Variants in DAB2IP observed in about 807,000 individuals in gnomAD.
DAB2IP encodes disabled homolog 2-interacting protein.
In DAB2IP, 28 loss-of-function variants were observed where a neutral mutation model predicts 107.2. The observed-to-expected ratio is 0.26, with a 90% CI of 0.19 to 0.36. The LOEUF is 0.36. DAB2IP is among the 10% of genes least tolerant of loss of function. DAB2IP has a pLI of 1.00. For missense variants in DAB2IP, 1,400 were observed against 1,644.7 expected, an observed-to-expected ratio of 0.85 and a Z score of 2.57; for synonymous variants, 755 against 706.4, an observed-to-expected ratio of 1.07 and a Z score of -1.09.
intron 3 of DAB2IP, among the ~76,000 whole-genome samples, chr9:121,746,363 C>T (rs1359436089): frequency 1.3e-5 from 2 of 152,184 alleles, no homozygotes; most frequent in African/African-American, 2.4e-5. Context: ...AAAACTGAGG[C>T]ACACAGGTTA....
chr9:121,591,110 A>G (rs1830414947), intron 1 of DAB2IP, among the ~76,000 whole-genome samples: 1 of 152,176 alleles, frequency 6.6e-6, no homozygotes, highest in Non-Finnish European at 1.5e-5. Context: ...GAAGCGTTGT[A>G]TATTTGAGGA....
At chr9:121,751,557 C>T (rs1833120916) in intron 3 of DAB2IP, among the ~76,000 whole-genome samples, 1 of 152,204 alleles carries the variant, frequency 6.6e-6, no homozygotes, top group African/African-American at 2.4e-5. Flanking sequence ...AATGGACAGG[C>T]TCAGGAGACT....
chr9:121,780,955 G>A (rs1290160826), intron 14 of DAB2IP, among the ~76,000 whole-genome samples: 1 of 152,190 alleles, frequency 6.6e-6, no homozygotes, highest in East Asian at 1.9e-4. Flanking sequence ...TTCCACTAGC[G>A]CAGCTGCTCC....
At chr9:121,655,982 G>T (rs1337529814) in intron 1 of DAB2IP, among the ~76,000 whole-genome samples, 3 of 152,022 alleles carry the variant, frequency 2.0e-5, no homozygotes, top group Non-Finnish European at 4.4e-5. Flanking sequence ...TGCCACCATG[G>T]GGGGTGGGTA....
chr9:121,652,920 C>CT (rs1380472530), intron 1 of DAB2IP, among the ~76,000 whole-genome samples: 2 of 152,084 alleles, frequency 1.3e-5, no homozygotes, highest in African/African-American at 4.8e-5. Context: ...ATGGGGAAGA[C>CT]TTTTCCCACA....
intron 1 of DAB2IP, among the ~76,000 whole-genome samples, chr9:121,605,652 C>T (rs904036929): frequency 6.6e-6 from 1 of 152,138 alleles, no homozygotes; most frequent in Non-Finnish European, 1.5e-5. Flanking sequence ...AGGCGCTTGC[C>T]GTCATGCCTG....
At chr9:121,784,954 C>T (rs1293612496) in exon 16 of DAB2IP, 8 of 152,596 alleles carry the variant, frequency 5.2e-5, no homozygotes, top group East Asian at 1.9e-4. Context: ...TGCCAGAGGC[C>T]CTGGAGGGAA....
chr9:121,675,608 G>A lies in DAB2IP; in HGVS notation c.125-3070G>A, dbSNP rs1833870767. 2.0e-5 allele frequency among the ~76,000 whole-genome samples: 3 copies of A among 152,168 alleles called. No homozygotes were observed. The South Asian group carries it at 6.2e-4, about 32-fold the overall frequency. On this transcript the variant is annotated intron_variant, in intron 1 of 15. Coordinates refer to ENST00000408936, the Ensembl canonical transcript of DAB2IP. ...GCGTTGGCCCCTTGGCTGGGTGTTG[G>A]GACCCATGGGACTTAAGGCTGAAGG...
At chr9:121,607,589 T>G (rs1259054807) in intron 1 of DAB2IP, among the ~76,000 whole-genome samples, 1 of 152,168 alleles carries the variant, frequency 6.6e-6, no homozygotes, top group Non-Finnish European at 1.5e-5. Flanking sequence ...AGTGCTGAGA[T>G]TACAGACATG....
At chr9:121,751,998 T>C in intron 3 of DAB2IP, 1 of 985,376 alleles carries the variant, frequency 1.0e-6, no homozygotes, top group African/African-American at 1.7e-5. Context: ...GGGTCTCTAG[T>C]CCCTGGAGCG....
intron 3 of DAB2IP, among the ~76,000 whole-genome samples, chr9:121,708,253 G>A (rs1473558738): frequency 6.6e-6 from 1 of 152,224 alleles, no homozygotes; most frequent in Admixed American, 6.5e-5. Context: ...GAAACCCGAT[G>A]TGTGAGTGGC....
intron 3 of DAB2IP, among the ~76,000 whole-genome samples, chr9:121,720,181 GTCC>G (rs1247158331): frequency 6.6e-6 from 1 of 152,188 alleles, no homozygotes; most frequent in African/African-American, 2.4e-5. Flanking sequence ...CCGTGTCTGG[GTCC>G]TGTAGCATTT....
chr9:121,647,804 CAT>C (rs548452891), upstream of DAB2IP, among the ~76,000 whole-genome samples: 190 of 149,072 alleles, frequency 1.3e-3, no homozygotes, highest in South Asian at 2.3e-3. Context: ...TATATATACC[CAT>C]ATATACACAT....
chr9:121,718,773 C>T (rs146400212), intron 3 of DAB2IP, among the ~76,000 whole-genome samples: 104 of 152,296 alleles, frequency 6.8e-4, no homozygotes, highest in African/African-American at 2.5e-3. Flanking sequence ...TGGAGTTCCC[C>T]GGCTCGTGTT....
intron 1 of DAB2IP, among the ~76,000 whole-genome samples, chr9:121,653,520 G>A (rs879680209): frequency 1.3e-5 from 2 of 152,096 alleles, no homozygotes; most frequent in Non-Finnish European, 2.9e-5. Context: ...AAATGGACCT[G>A]CCGTATGTGG....
chr9:121,758,366 C>G (rs1172502462), intron 4 of DAB2IP, among the ~76,000 whole-genome samples: 1 of 152,196 alleles, frequency 6.6e-6, no homozygotes, highest in Non-Finnish European at 1.5e-5. Flanking sequence ...TTTCTCCAGT[C>G]TGGCATAAAA....
intron 1 of DAB2IP, among the ~76,000 whole-genome samples, chr9:121,576,736 G>A (rs1166028364): frequency 6.6e-6 from 1 of 152,096 alleles, no homozygotes; most frequent in African/African-American, 2.4e-5. Context: ...ATGGGGACCT[G>A]GGTGGAAGGG....
At chr9:121,616,344 G>T (rs1432229984) in intron 1 of DAB2IP, among the ~76,000 whole-genome samples, 1 of 152,148 alleles carries the variant, frequency 6.6e-6, no homozygotes, top group Non-Finnish European at 1.5e-5. Context: ...ACCTGACAGT[G>T]GGAATTATCT....
intron 1 of DAB2IP, among the ~76,000 whole-genome samples, chr9:121,675,883 A>G (rs1033035546): frequency 1.3e-5 from 2 of 152,236 alleles, no homozygotes; most frequent in Non-Finnish European, 2.9e-5. Flanking sequence ...ATGAAGGCAG[A>G]CAGGAAAGCA....
Sources: gnomAD v4.1 joint callset for allele counts (sites outside exome capture counted in the v4.1 genomes callset) on GRCh38, gnomAD v4.1.1 for gene constraint, MANE v1.5 for transcripts, NCBI Gene and HGNC (gene_info 2026-07-23, HGNC 2026-07-21) for gene names.